The following NDST3 variants were observed in gnomAD, a reference collection of about 807,000 sequenced individuals.
The protein encoded by NDST3 is N-deacetylase and N-sulfotransferase 3.
A neutral mutation model predicts 96.1 loss-of-function variants in NDST3; 58 were observed. That is an observed-to-expected ratio of 0.60 (90% CI 0.49 to 0.75). The LOEUF is 0.75. Ranked by LOEUF, NDST3 falls within the 30% of genes least tolerant of loss-of-function variation. The probability of loss-of-function intolerance (pLI) is 0.00; values close to 1 mark genes in which losing one functional copy is unlikely to be tolerated. For synonymous variants in NDST3, 333 were observed against 359.7 expected, an observed-to-expected ratio of 0.93 and a Z score of 0.84; for missense variants, 788 against 1,034.2, an observed-to-expected ratio of 0.76 and a Z score of 3.27.
At chr4:118,140,395 T>G (rs570799545) in intron 5 of NDST3, among the ~76,000 whole-genome samples, 1 of 152,278 alleles carries the variant, frequency 6.6e-6, no homozygotes, top group African/African-American at 2.4e-5. Flanking sequence ...CAATTACACT[T>G]TAAGCTGTTT....
Position 118,237,072 on chromosome 4 carries a change from C to T in NDST3, c.1970C>T (p.Ser657Phe). 6.2e-7 allele frequency: 1 copy of T among 1,610,920 alleles called. No individual in the cohort carries two copies. The highest frequency in any genetic ancestry group is 8.5e-7 in the Non-Finnish European group (1 of 1,178,308). The change falls in exon 10 of 14, where the codon TCT becomes TTT. Residue 657 changes from serine to phenylalanine, a missense_variant. By Grantham distance (155) the Ser-to-Phe change is radical. This residue lies in a region of NDST3 where 490 missense variants were observed against 708.8 expected (regional missense o/e 0.69). Transcript: ENST00000296499. The stretch of plus-strand genomic sequence containing the variant: ...TATATGGATTTCTTCCCAGTCCCAT[C>T]TAATGTCACTACCGACTTTTTGTTT... ...DWYMDFFPVP[S>F]NVTTDFLFEK...
chr4:118,229,120 G>C (rs1486258023), intron 8 of NDST3, among the ~76,000 whole-genome samples: 1 of 151,826 alleles, frequency 6.6e-6, no homozygotes, highest in African/African-American at 2.4e-5. Context: ...GAACAATATG[G>C]TGAAAACCCG....
At chr4:118,056,483 A>C (rs2110454354) in intron 2 of NDST3, among the ~76,000 whole-genome samples, 1 of 152,148 alleles carries the variant, frequency 6.6e-6, no homozygotes, top group African/African-American at 2.4e-5. Flanking sequence ...GCTTTTTTAA[A>C]AAATGTGTTT....
chr4:118,070,033 T>G (rs1438184239), intron 2 of NDST3, among the ~76,000 whole-genome samples: 4 of 152,116 alleles, frequency 2.6e-5, no homozygotes, highest in Non-Finnish European at 5.9e-5. Context: ...AGTGAGCAAC[T>G]TACTGAAATG....
chr4:118,221,894 T>C (rs1739569387), intron 6 of NDST3, among the ~76,000 whole-genome samples: 1 of 151,858 alleles, frequency 6.6e-6, no homozygotes, highest in South Asian at 2.1e-4. Flanking sequence ...ATAGCAAAAA[T>C]TGTTTTATAA....
chr4:118,093,024 A>G (rs895780185), intron 2 of NDST3, among the ~76,000 whole-genome samples: 13 of 18,394 alleles, frequency 7.1e-4, no homozygotes, highest in African/African-American at 7.0e-4. Context: ...TTAGGGGCAG[A>G]GAAAATAACA....
rs1405111544 is a variant in NDST3, at chr4:118,258,451, TCCTC to T, written c.*2740_*2743del. 5.3e-5 allele frequency: 8 copies of T among 152,218 alleles called. No homozygotes were observed. The highest frequency in any genetic ancestry group is 4.6e-4 in the Admixed American group (7 of 15,282). The allele number at this position is 152,218 out of a possible 1,614,324, so 9.4% of individuals were successfully genotyped here. ...TTTTCATTGTTTAAAATATGAAACT[TCCTC>T]AGGAAGAAATGAAATGGTTATTTCA... On this transcript the variant is annotated 3_prime_UTR_variant, in exon 14 of 14. Transcript: ENST00000296499.
intron 8 of NDST3, among the ~76,000 whole-genome samples, chr4:118,230,323 C>T (rs533075652): frequency 6.6e-6 from 1 of 152,216 alleles, no homozygotes; most frequent in East Asian, 1.9e-4. Context: ...CCTGTAATCC[C>T]AGCACTTTGG....
At chr4:118,099,029 A>C (rs1729565630) in intron 2 of NDST3, among the ~76,000 whole-genome samples, 1 of 152,094 alleles carries the variant, frequency 6.6e-6, no homozygotes, top group African/African-American at 2.4e-5. Flanking sequence ...CACAAAGCTA[A>C]AACTCAACTT....
At chr4:118,073,256 G>A (rs1422488331) in intron 2 of NDST3, among the ~76,000 whole-genome samples, 1 of 152,056 alleles carries the variant, frequency 6.6e-6, no homozygotes, top group Non-Finnish European at 1.5e-5. Context: ...AGTTAAGGAG[G>A]AGTCCCTCCT....
At chr4:118,113,568 G>T (rs1730818481) in intron 3 of NDST3, among the ~76,000 whole-genome samples, 1 of 152,176 alleles carries the variant, frequency 6.6e-6, no homozygotes, top group African/African-American at 2.4e-5. Flanking sequence ...CACAGGACCT[G>T]ATTCTTTTCC....
At chr4:118,150,069 C>T (rs1227814639) in intron 6 of NDST3, among the ~76,000 whole-genome samples, 13 of 151,130 alleles carry the variant, frequency 8.6e-5, no homozygotes, top group African/African-American at 1.5e-4. Flanking sequence ...TATTGATTTG[C>T]GTATATTGAA....
chr4:118,190,150 ATAAACTC>A (rs1737215428), intron 6 of NDST3, among the ~76,000 whole-genome samples: 1 of 152,048 alleles, frequency 6.6e-6, no homozygotes. Context: ...ATAATTATAT[ATAAACTC>A]TAATTTAACT....
chr4:118,143,725 G>A (rs755120141), intron 6 of NDST3, 41 bp downstream of exon 6: 3 of 1,544,998 alleles, frequency 1.9e-6, no homozygotes, highest in Middle Eastern at 1.7e-4. Context: ...AAAAATGATA[G>A]GGCTGGCAAA....
chr4:118,034,109 A>C (rs969040382), upstream of NDST3, among the ~76,000 whole-genome samples: 2 of 152,218 alleles, frequency 1.3e-5, no homozygotes, highest in Non-Finnish European at 2.9e-5. Context: ...GACAATGGAA[A>C]GAAAAAAACA....
chr4:118,205,832 CTT>C lies in NDST3; in HGVS notation c.1540-18642_1540-18641del, dbSNP rs56843725. Among the ~76,000 whole-genome samples, 885 of 95,440 alleles carry C rather than the reference CTT, an allele frequency of 9.3e-3. 39 individuals carry two copies. The highest frequency in any genetic ancestry group is 0.024 in the African/African-American group (740 of 31,078). 62.6% of individuals were successfully genotyped at this position (95,440 alleles called of 152,430 possible). On this transcript the variant is annotated intron_variant, in intron 6 of 13. Coordinates refer to ENST00000296499, the MANE Select transcript of NDST3 (RefSeq NM_004784.3). ...CAGTACTGGCCACCTATCGGGCTTT[CTT>C]TTTTTTTTTTTTTTTTGAGACGGAG...
At chr4:118,102,609 C>T (rs937085468) in intron 2 of NDST3, among the ~76,000 whole-genome samples, 2 of 151,942 alleles carry the variant, frequency 1.3e-5, no homozygotes, top group Non-Finnish European at 2.9e-5. Context: ...TAAAATCATT[C>T]TAGTAATGAA....
chr4:118,230,412 A>G lies in NDST3; in HGVS notation c.1820-2600A>G, dbSNP rs559920938. Among the ~76,000 whole-genome samples the G allele has an allele frequency of 5.3e-5, 8 of 152,192 alleles. No individual in the cohort carries two copies. The East Asian group carries it at 1.6e-3, about 30-fold the overall frequency. On this transcript the variant is annotated intron_variant, in intron 8 of 13. Coordinates refer to ENST00000296499, the MANE Select transcript of NDST3 (RefSeq NM_004784.3). Reference sequence around the variant, plus strand: ...AACACGGTGAAATCCCGTCTCCACTAAAAATACAAAAATTTAGCCGGGTGC... The same window carrying G: ...AACACGGTGAAATCCCGTCTCCACTGAAAATACAAAAATTTAGCCGGGTGC...
chr4:118,253,854 A>G (rs1177053586), intron 13 of NDST3, among the ~76,000 whole-genome samples: 1 of 152,228 alleles, frequency 6.6e-6, no homozygotes, highest in Non-Finnish European at 1.5e-5. Flanking sequence ...TCTTATTCCA[A>G]AAAGAATGAT....
Sources: gnomAD v4.1 joint callset for allele counts (sites outside exome capture counted in the v4.1 genomes callset) on GRCh38, gnomAD v4.1.1 for gene constraint, gnomAD v4.1.1 regional missense constraint, MANE v1.5 for transcripts, NCBI Gene and HGNC (gene_info 2026-07-23, HGNC 2026-07-21) for gene names.